The following METTL15 variants were observed in gnomAD, a reference collection of about 807,000 sequenced individuals.
METTL15 encodes 12S rRNA N(4)-cytidine methyltransferase METTL15.
Under a neutral mutation model 38.3 loss-of-function variants are expected in METTL15, and 34 were observed. That is an observed-to-expected ratio of 0.89 (90% CI 0.68 to 1.18). The LOEUF is 1.18. Among genes scored for constraint, METTL15 ranks in the 50% most tolerant of loss-of-function variants. The probability of loss-of-function intolerance (pLI) is 0.00; values close to 1 mark genes in which losing one functional copy is unlikely to be tolerated. For synonymous variants in METTL15, 162 were observed against 170.9 expected, an observed-to-expected ratio of 0.95 and a Z score of 0.41; for missense variants, 438 against 498.4, an observed-to-expected ratio of 0.88 and a Z score of 1.15.
chr11:28,309,808 G>A (rs1857212256), intron 6 of METTL15, among the ~76,000 whole-genome samples: 1 of 151,830 alleles, frequency 6.6e-6, no homozygotes, highest in African/African-American at 2.4e-5. Flanking sequence ...ATTTTTTTCT[G>A]TGCCCCCCAC....
intron 6 of METTL15, among the ~76,000 whole-genome samples, chr11:28,441,229 C>G (rs940185389): frequency 3.3e-5 from 5 of 151,876 alleles, no homozygotes; most frequent in Non-Finnish European, 7.4e-5. Flanking sequence ...GGGCTACAAG[C>G]ACGTGCCCAG....
intron 6 of METTL15, among the ~76,000 whole-genome samples, chr11:28,492,533 CACACACACACACAT>C (rs893167537): frequency 1.6e-4 from 25 of 151,858 alleles, no homozygotes; most frequent in Middle Eastern, 6.8e-3. Flanking sequence ...CACACACACA[CACACACACACACAT>C]ACACACACAC....
At chr11:28,399,628 A>C (rs1284521168) in intron 5 of METTL15, among the ~76,000 whole-genome samples, 1 of 150,532 alleles carries the variant, frequency 6.6e-6, no homozygotes, top group Non-Finnish European at 1.5e-5. Context: ...TTATGCACAC[A>C]TAAGTGGTTG....
At chr11:28,467,002 T>C (rs1449079578) in intron 6 of METTL15, among the ~76,000 whole-genome samples, 1 of 152,190 alleles carries the variant, frequency 6.6e-6, no homozygotes, top group Non-Finnish European at 1.5e-5. Context: ...AAAGTGCACA[T>C]GAATTCTGGT....
At chr11:28,270,924 T>C (rs1855615693) in intron 4 of METTL15, among the ~76,000 whole-genome samples, 1 of 152,180 alleles carries the variant, frequency 6.6e-6, no homozygotes, top group Admixed American at 6.5e-5. Flanking sequence ...TTTCTTCATC[T>C]GTAGAATAGG....
At chr11:28,300,239 T>G (rs970921409) in intron 6 of METTL15, among the ~76,000 whole-genome samples, 4 of 152,142 alleles carry the variant, frequency 2.6e-5, no homozygotes, top group African/African-American at 9.7e-5. Context: ...TGTTTTCTGA[T>G]TCTGATAAAT....
chr11:28,352,742 T>C (rs1850052926), intron 4 of METTL15, among the ~76,000 whole-genome samples: 1 of 152,072 alleles, frequency 6.6e-6, no homozygotes, highest in South Asian at 2.1e-4. Context: ...CATGGATGTA[T>C]TGAGGTCAAG....
At chr11:28,167,485 G>A (rs929021587) in intron 3 of METTL15, among the ~76,000 whole-genome samples, 1 of 152,020 alleles carries the variant, frequency 6.6e-6, no homozygotes, top group Admixed American at 6.6e-5. Context: ...TGTTACCACC[G>A]TAGTACTTTT....
downstream of METTL15, among the ~76,000 whole-genome samples, chr11:28,529,162 A>G (rs191973554): frequency 6.6e-6 from 1 of 152,160 alleles, no homozygotes; most frequent in Admixed American, 6.5e-5. Flanking sequence ...ACCACTAATG[A>G]GGTATACGAC....
intron 4 of METTL15, among the ~76,000 whole-genome samples, chr11:28,244,129 A>T (rs1854416911): frequency 6.6e-6 from 1 of 152,186 alleles, no homozygotes; most frequent in Admixed American, 6.5e-5. Context: ...AACCAAGAAC[A>T]TACAACTAAA....
chr11:28,350,075 A>T (rs1201157680), intron 3 of METTL15, among the ~76,000 whole-genome samples: 2 of 151,740 alleles, frequency 1.3e-5, no homozygotes, highest in Admixed American at 6.6e-5. Flanking sequence ...TTTCCTCTCT[A>T]CTCTTTCCAT....
intron 3 of METTL15, among the ~76,000 whole-genome samples, chr11:28,207,783 C>T (rs1852422177): frequency 6.6e-6 from 1 of 152,116 alleles, no homozygotes; most frequent in Non-Finnish European, 1.5e-5. Context: ...GCCACAGTTT[C>T]AGATCCTGTT....
At chr11:28,322,128 A>G (rs762712127) in intron 6 of METTL15, among the ~76,000 whole-genome samples, 1 of 152,078 alleles carries the variant, frequency 6.6e-6, no homozygotes. Context: ...TTAGAGTGGG[A>G]AAAACCTTCC....
intron 5 of METTL15, among the ~76,000 whole-genome samples, chr11:28,386,321 A>G (rs1470733379): frequency 1.3e-5 from 2 of 151,978 alleles, no homozygotes; most frequent in African/African-American, 4.8e-5. Flanking sequence ...AACAAAAACA[A>G]AATCCGACTA....
intron 3 of METTL15, among the ~76,000 whole-genome samples, chr11:28,204,644 A>G (rs1852247845): frequency 6.6e-6 from 1 of 151,692 alleles, no homozygotes; most frequent in African/African-American, 2.4e-5. Context: ...TCTCTATTCA[A>G]TTCCTGCATT....
chr11:28,127,166 A>G (rs1326612899), intron 3 of METTL15, among the ~76,000 whole-genome samples: 3 of 152,116 alleles, frequency 2.0e-5, no homozygotes, highest in African/African-American at 4.8e-5. Context: ...AATTCTCTCT[A>G]CACTGTGGAG....
At chr11:28,235,390 C>T (rs201282551) in intron 4 of METTL15, among the ~76,000 whole-genome samples, 22,081 of 151,706 alleles carry the variant, frequency 0.15, 1,792 homozygotes, top group East Asian at 0.28. Flanking sequence ...TATAAATTAC[C>T]TTGGGCAGTA....
chr11:28,498,420 A>C (rs1479857533), intron 6 of METTL15, among the ~76,000 whole-genome samples: 1 of 152,138 alleles, frequency 6.6e-6, no homozygotes, highest in Non-Finnish European at 1.5e-5. Context: ...GGCCTCCCAA[A>C]GTGCTGGGAT....
intron 5 of METTL15, among the ~76,000 whole-genome samples, chr11:28,412,474 G>C (rs1850736738): frequency 6.6e-6 from 1 of 151,776 alleles, no homozygotes; most frequent in African/African-American, 2.4e-5. Flanking sequence ...CACATTTTCT[G>C]TTATGGTGAT....
Sources: allele counts gnomAD v4.1 joint callset (sites outside exome capture counted in the v4.1 genomes callset), GRCh38; gene constraint gnomAD v4.1.1; transcripts MANE v1.5; gene names NCBI Gene and HGNC (gene_info 2026-07-23, HGNC 2026-07-21).